Variants in GSKIP observed in about 807,000 individuals in gnomAD.
GSKIP encodes the protein GSK3B-interacting protein.
A neutral mutation model predicts 11.9 loss-of-function variants in GSKIP; 5 were observed. The ratio of observed to expected loss-of-function variants is 0.42; its 90% CI spans 0.22 to 0.89. The LOEUF is 0.89. Ranked by LOEUF, GSKIP falls within the 40% of genes least tolerant of loss-of-function variation. The pLI, the probability that GSKIP is intolerant of heterozygous loss-of-function variation, is 0.29. For missense variants in GSKIP, 150 were observed against 166.6 expected, an observed-to-expected ratio of 0.90 and a Z score of 0.55; for synonymous variants, 70 against 62.9, an observed-to-expected ratio of 1.11 and a Z score of -0.54.
intron 1 of GSKIP, among the ~76,000 whole-genome samples, chr14:96,368,023 G>A (rs1308859553): frequency 1.3e-5 from 2 of 151,670 alleles, no homozygotes; most frequent in African/African-American, 2.4e-5. Flanking sequence ...TAAATATAGT[G>A]CCAAGTAATA....
chr14:96,371,554 C>G (rs1182219007), intron 1 of GSKIP, among the ~76,000 whole-genome samples: 1 of 151,658 alleles, frequency 6.6e-6, no homozygotes, highest in Non-Finnish European at 1.5e-5. Context: ...AAGAGATTCT[C>G]CCGCCTCAGC....
intron 2 of GSKIP, chr14:96,380,152 A>G (rs1473237238): frequency 1.3e-5 from 2 of 152,358 alleles, no homozygotes; most frequent in East Asian, 3.9e-4. Flanking sequence ...TGCTCCAGCA[A>G]TAATTGGTAA....
intron 3 of GSKIP, among the ~76,000 whole-genome samples, chr14:96,382,939 A>G (rs1308683456): frequency 1.3e-5 from 2 of 152,206 alleles, no homozygotes; most frequent in Non-Finnish European, 2.9e-5. Flanking sequence ...TCAGAAATAA[A>G]TCAGAGCAGA....
At chr14:96,375,055 G>A (rs576900663) in intron 1 of GSKIP, among the ~76,000 whole-genome samples, 1 of 152,258 alleles carries the variant, frequency 6.6e-6, no homozygotes, top group African/African-American at 2.4e-5. Context: ...CTATATAGTA[G>A]TGTTTTGTAA....
intron 3 of GSKIP, 83 bp from the exon 4 acceptor site, chr14:96,385,440 A>G: frequency 9.7e-7 from 1 of 1,034,926 alleles, no homozygotes; most frequent in Non-Finnish European, 1.4e-6. Flanking sequence ...TTTTGAAAGG[A>G]TGATTACTCA....
At position 96,377,006 on chromosome 14, in the gene GSKIP, A is replaced by G. The variant is rs138050721; in HGVS notation, c.-102-2682A>G. ...GTTCCAAATTTTGCTACTCATATAT[A>G]AAGTTTGATTCAGTGCCTTTACATC... On this transcript the variant is annotated intron_variant, in intron 1 of 3. Coordinates refer to ENST00000555181, the MANE Select transcript of GSKIP (RefSeq NM_016472.5). Among the ~76,000 whole-genome samples the G allele has an allele frequency of 8.8e-4, 134 of 152,346 alleles. 1 individual carries two copies. The highest frequency in any genetic ancestry group is 3.1e-3 in the African/African-American group (127 of 41,580).
intron 3 of GSKIP, among the ~76,000 whole-genome samples, chr14:96,384,970 T>G (rs1314309741): frequency 6.6e-6 from 1 of 152,046 alleles, no homozygotes; most frequent in Non-Finnish European, 1.5e-5. Flanking sequence ...ATTAAACCAA[T>G]TATTAATAAA....
Position 96,375,878 on chromosome 14 carries a change from C to G in GSKIP, c.-102-3810C>G, listed in dbSNP as rs528020077. Among the ~76,000 whole-genome samples, 216 of 152,324 alleles carry G rather than the reference C, an allele frequency of 1.4e-3. 2 individuals carry two copies. The highest frequency in any genetic ancestry group is 4.7e-3 in the African/African-American group (194 of 41,566). ...GGTGAGGGGGCTGAATGTGCTGGCT[C>G]ACATCTTTCCCCCTCTTCTTACAGA... On this transcript the variant is annotated intron_variant, in intron 1 of 3. Coordinates refer to ENST00000555181, the MANE Select transcript of GSKIP (RefSeq NM_016472.5).
At chr14:96,366,992 T>C (rs1888905335) in intron 1 of GSKIP, among the ~76,000 whole-genome samples, 1 of 152,234 alleles carries the variant, frequency 6.6e-6, no homozygotes, top group Non-Finnish European at 1.5e-5. Flanking sequence ...CTCACGGCTC[T>C]TGGAGGAATT....
At chr14:96,380,178 C>T (rs1268256883) in intron 2 of GSKIP, 1 of 152,118 alleles carries the variant, frequency 6.6e-6, no homozygotes, top group Non-Finnish European at 1.5e-5. Flanking sequence ...TAATTAACTT[C>T]TGTTGTTTGT....
chr14:96,376,754 C>T (rs1326918083), intron 1 of GSKIP, among the ~76,000 whole-genome samples: 2 of 151,984 alleles, frequency 1.3e-5, no homozygotes, highest in Admixed American at 1.3e-4. Flanking sequence ...TTTTCTTTCC[C>T]AAAGTAGACT....
At position 96,385,597 on chromosome 14, in the gene GSKIP, G is replaced by A. The variant is rs1456768718; in HGVS notation, c.333G>A (p.Leu111=). The change falls in exon 4 of 4, where the codon TTG becomes TTA. Residue 111 remains leucine (L), a synonymous_variant. Transcript: ENST00000555181. ...ACCATGAAACAGTCTACTCCTTGTT[G>A]GATACACTCAGCCCCGCCTACCGAG... ...TPYHETVYSL[L]DTLSPAYREA... The A allele has an allele frequency of 1.2e-6, 2 of 1,613,142 alleles. No homozygotes were observed. Among genetic ancestry groups the A allele is most frequent in the East Asian group, 2.2e-5 (1 of 44,858 alleles).
chr14:96,385,887 C>G lies in GSKIP; in HGVS notation c.*203C>G, dbSNP rs150767806. The stretch of plus-strand genomic sequence containing the variant: ...CAGTAAGGGAATTCTGAGGCCGTTG[C>G]TATGATACCATCATTAAGACATTCA... On this transcript the variant is annotated 3_prime_UTR_variant, in exon 4 of 4. Coordinates refer to ENST00000555181, the MANE Select transcript of GSKIP (RefSeq NM_016472.5). 2.0e-6 allele frequency: 1 copy of G among 500,316 alleles called. No homozygotes were observed. Among genetic ancestry groups the G allele is most frequent in the East Asian group, 3.5e-5 (1 of 28,682 alleles). The allele number at this position is 500,316 out of a possible 1,614,324, so 31.0% of individuals were successfully genotyped here.
At chr14:96,367,986 T>C (rs915868663) in intron 1 of GSKIP, among the ~76,000 whole-genome samples, 3 of 152,222 alleles carry the variant, frequency 2.0e-5, no homozygotes, top group African/African-American at 7.2e-5. Context: ...TCTGTAGATA[T>C]TGATTTATGT....
rs574627838 is a variant in GSKIP, at chr14:96,365,605, C to T, written c.-103+2037C>T. ...AGAACTTTTGGGAGGCCGAGGTGGG[C>T]GGATCACTTGAGGTCAGGAGTTCAA... On this transcript the variant is annotated intron_variant, in intron 1 of 3. Coordinates refer to ENST00000555181, the MANE Select transcript of GSKIP (RefSeq NM_016472.5). 1.4e-3 allele frequency among the ~76,000 whole-genome samples: 218 copies of T among 151,730 alleles called. 7 individuals carry two copies. Among genetic ancestry groups the T allele is most frequent in the Non-Finnish European group, 2.6e-3 (175 of 67,836 alleles).
intron 1 of GSKIP, among the ~76,000 whole-genome samples, chr14:96,374,442 A>G (rs1396204352): frequency 6.6e-6 from 1 of 152,202 alleles, no homozygotes; most frequent in Non-Finnish European, 1.5e-5. Context: ...AGAAGCATGA[A>G]AAAACTACAC....
rs149675438 is a variant in GSKIP, at chr14:96,366,659, A to G, written c.-103+3091A>G. On this transcript the variant is annotated intron_variant, in intron 1 of 3. Transcript: ENST00000555181. ...TGTAATCCCAGCACTTTGGAAGGCCAAGGCCGGAAGGATCACCTGAGACCA... is the reference window on the plus strand; with the variant it reads ...TGTAATCCCAGCACTTTGGAAGGCCGAGGCCGGAAGGATCACCTGAGACCA... Among the ~76,000 whole-genome samples the G allele has an allele frequency of 4.4e-3, 674 of 152,346 alleles. 26 individuals are homozygous for G. In the South Asian group the frequency reaches 0.067, roughly 15 times the overall value.
chr14:96,371,770 A>C (rs1889055743), intron 1 of GSKIP, among the ~76,000 whole-genome samples: 1 of 152,094 alleles, frequency 6.6e-6, no homozygotes, highest in African/African-American at 2.4e-5. Context: ...ATTAATTTTT[A>C]ACAAAGAGCA....
chr14:96,375,731 T>A (rs1459378298), intron 1 of GSKIP, among the ~76,000 whole-genome samples: 1 of 152,194 alleles, frequency 6.6e-6, no homozygotes, highest in South Asian at 2.1e-4. Flanking sequence ...CACGCCCGGC[T>A]TGAAATTTAT....
Sources: gnomAD v4.1 joint callset for allele counts (sites outside exome capture counted in the v4.1 genomes callset) on GRCh38, gnomAD v4.1.1 for gene constraint, MANE v1.5 for transcripts, NCBI Gene and HGNC (gene_info 2026-07-23, HGNC 2026-07-21) for gene names.